CLTRN: variants seen among roughly 807,000 people sequenced by gnomAD.
The protein encoded by CLTRN is collectrin, amino acid transport regulator, also known as collectrin.
CLTRN carries 12 observed loss-of-function variants against 14.5 expected under a neutral mutation model. The observed-to-expected ratio is 0.83, with a 90% CI of 0.53 to 1.34. CLTRN has a LOEUF of 1.34. CLTRN is among the 40% of genes most tolerant of loss of function. The probability of loss-of-function intolerance (pLI) is 0.00; values close to 1 mark genes in which losing one functional copy is unlikely to be tolerated. For synonymous variants in CLTRN, 58 were observed against 56.5 expected (o/e 1.03, Z -0.12); for missense variants, 154 against 165.1 (o/e 0.93, Z 0.37).
intron 1 of CLTRN, among the ~76,000 whole-genome samples, chrX:15,670,879 A>AGTGTGTGT (rs543420208): frequency 1.2e-5 from 1 of 85,070 alleles, no homozygotes; most frequent in Non-Finnish European, 2.3e-5. Context: ...AAGGGAGACA[A>AGTGTGTGT]GTGTGTGTGT....
At chrX:15,661,663 TTA>T (rs1929510591) in intron 2 of CLTRN, among the ~76,000 whole-genome samples, 1 of 112,247 alleles carries the variant, frequency 8.9e-6, no homozygotes, top group Non-Finnish European at 1.9e-5. Context: ...TTTGTATACT[TTA>T]TGATCCATTA....
At position 15,627,858 on chromosome X, in the gene CLTRN, A is replaced by G; in HGVS notation, c.*113T>C. Reference sequence around the variant, plus strand: ...CTTTCAAGCACATTCAAAATTTATTACAAAAGAAGAATGGTGAAACAAAAT... The same window carrying G: ...CTTTCAAGCACATTCAAAATTTATTGCAAAAGAAGAATGGTGAAACAAAAT... On this transcript the variant is annotated 3_prime_UTR_variant, in exon 6 of 6. Transcript: ENST00000380342. 11 of 616,718 alleles carry G rather than the reference A, an allele frequency of 1.8e-5. No individual in the cohort carries two copies. Among genetic ancestry groups the G allele is most frequent in the Non-Finnish European group, 2.4e-5 (11 of 451,044 alleles). The allele number at this position is 616,718 out of a possible 1,213,427, so 50.8% of individuals were successfully genotyped here.
intron 3 of CLTRN, among the ~76,000 whole-genome samples, chrX:15,652,471 C>CAA (rs79756100): frequency 2.1e-4 from 12 of 57,830 alleles, no homozygotes; most frequent in African/African-American, 6.1e-4. Context: ...ACTTTACAGA[C>CAA]AAAAAAAAAA....
chrX:15,667,485 T>C (rs767928758), upstream of CLTRN, among the ~76,000 whole-genome samples: 10 of 112,326 alleles, frequency 8.9e-5, no homozygotes, highest in Admixed American at 3.8e-4. Flanking sequence ...ATAGAAATTC[T>C]TTTTAGAAAA....
Position 15,632,883 on chromosome X carries a change from C to CAA in CLTRN, c.513-4758_513-4757dup, listed in dbSNP as rs758319942. Among the ~76,000 whole-genome samples the CAA allele has an allele frequency of 8.0e-3, 348 of 43,301 alleles. 2 individuals are homozygous for CAA. The highest frequency in any genetic ancestry group is 0.029 in the East Asian group (39 of 1,343). The allele number at this position is 43,301 out of a possible 115,157, so 37.6% of individuals were successfully genotyped here. A position where few individuals can be genotyped will look rare whatever the true frequency, so the allele number is the denominator to read the frequency against. ...TGGGTGACAGAGCAAGACTCTGTCT[C>CAA]AAAAAAAAAAAAAAAAAAAAAAATA... is the stretch of plus-strand genomic sequence containing the variant. On this transcript the variant is annotated intron_variant, in intron 5 of 5. Transcript: ENST00000380342.
Position 15,627,956 on chromosome X carries a change from C to T in CLTRN, c.*15G>A. On this transcript the variant is annotated 3_prime_UTR_variant, in exon 6 of 6. Transcript: ENST00000380342. ...ACAAATGTTTAATTTCTTGAGGAAG[C>T]AGAACAACAGCCCTTCAGAGAGGGG... 1 of 1,004,503 alleles carries T rather than the reference C, an allele frequency of 1.0e-6. No individual in the cohort carries two copies. The highest frequency in any genetic ancestry group is 1.3e-6 in the Non-Finnish European group (1 of 782,401). The allele number at this position is 1,004,503 out of a possible 1,213,427, so 82.8% of individuals were successfully genotyped here.
chrX:15,652,725 T>C (rs921370907), intron 3 of CLTRN, among the ~76,000 whole-genome samples: 5 of 111,967 alleles, frequency 4.5e-5, no homozygotes, highest in African/African-American at 1.6e-4. Flanking sequence ...GAAGGCTGGT[T>C]TGATCATTTG....
chrX:15,637,490 C>T (rs906370299), intron 5 of CLTRN, among the ~76,000 whole-genome samples: 1 of 112,180 alleles, frequency 8.9e-6, no homozygotes, highest in Non-Finnish European at 1.9e-5. Flanking sequence ...TCCCGGTTTA[C>T]ACAAGAGATG....
At chrX:15,629,608 G>A (rs1460648354) in intron 5 of CLTRN, among the ~76,000 whole-genome samples, 1 of 110,245 alleles carries the variant, frequency 9.1e-6, no homozygotes, top group Non-Finnish European at 1.9e-5. Context: ...TTTTATAGAA[G>A]AATGCCAACG....
chrX:15,658,853 T>C (rs1929434467), intron 3 of CLTRN, among the ~76,000 whole-genome samples, 163 bp downstream of exon 3: 1 of 110,871 alleles, frequency 9.0e-6, no homozygotes, highest in Non-Finnish European at 1.9e-5. Context: ...ATATAAACTG[T>C]AAGATGAGTT....
At chrX:15,641,802 G>A (rs1928950990) in intron 4 of CLTRN, among the ~76,000 whole-genome samples, 2 of 111,265 alleles carry the variant, frequency 1.8e-5, no homozygotes. Context: ...CATTTCAGGT[G>A]CTTAATAACC....
chrX:15,673,720 G>A (rs945981686), intron 1 of CLTRN, among the ~76,000 whole-genome samples: 6 of 112,421 alleles, frequency 5.3e-5, no homozygotes, highest in Non-Finnish European at 1.1e-4. Flanking sequence ...GGAAGAGAAA[G>A]GAACTTTTAC....
chrX:15,633,810 A>G (rs1015754972), intron 5 of CLTRN, among the ~76,000 whole-genome samples: 2 of 112,446 alleles, frequency 1.8e-5, no homozygotes, highest in African/African-American at 6.5e-5. Flanking sequence ...CTAGGGTTCT[A>G]TGTCCTAAGT....
chrX:15,641,636 CTGTGTGTGTGTGTG>C (rs56407617), intron 4 of CLTRN, among the ~76,000 whole-genome samples: 13 of 88,473 alleles, frequency 1.5e-4, no homozygotes, highest in African/African-American at 2.6e-4. Context: ...CCACACCTGG[CTGTGTGTGTGTGTG>C]TGTGTGTGTG....
chrX:15,644,214 T>A (rs1458438486), intron 4 of CLTRN, among the ~76,000 whole-genome samples: 1 of 111,985 alleles, frequency 8.9e-6, no homozygotes, highest in African/African-American at 3.3e-5. Flanking sequence ...GAGAGCACCT[T>A]TCTAGGCAAT....
rs1485686377 is a variant in CLTRN, at chrX:15,627,792, T to C, written c.*179A>G. 6.5e-6 allele frequency: 2 copies of C among 306,296 alleles called. No homozygotes were observed. The highest frequency in any genetic ancestry group is 5.5e-5 in the African/African-American group (2 of 36,677). The allele number at this position is 306,296 out of a possible 1,213,427, so 25.2% of individuals were successfully genotyped here. A position where few individuals can be genotyped will look rare whatever the true frequency, so the allele number is the denominator to read the frequency against. On this transcript the variant is annotated 3_prime_UTR_variant, in exon 6 of 6. Transcript: ENST00000380342. The stretch of plus-strand genomic sequence containing the variant: ...AATATTTTGAGTCGTGAATAGCTTA[T>C]GATTTCAGTGGTGTTGGTGGGTATA...
At chrX:15,644,566 G>T (rs1929016045) in intron 4 of CLTRN, among the ~76,000 whole-genome samples, 1 of 111,469 alleles carries the variant, frequency 9.0e-6, no homozygotes, top group Non-Finnish European at 1.9e-5. Flanking sequence ...TCTTTTTAAA[G>T]TAAAGACTAT....
chrX:15,651,586 G>A (rs957526735), intron 3 of CLTRN, among the ~76,000 whole-genome samples: 4 of 111,657 alleles, frequency 3.6e-5, no homozygotes, highest in African/African-American at 1.3e-4. Flanking sequence ...AAGAGCACCT[G>A]TTTTAATTTG....
intron 5 of CLTRN, among the ~76,000 whole-genome samples, chrX:15,632,740 C>T (rs1383294018): frequency 2.5e-4 from 27 of 106,605 alleles, no homozygotes; most frequent in Non-Finnish European, 4.8e-4. Flanking sequence ...AAAAATTAGC[C>T]GGGTGTGGTG....
Sources: gnomAD v4.1 joint callset for allele counts (sites outside exome capture counted in the v4.1 genomes callset) on GRCh38, gnomAD v4.1.1 for gene constraint, MANE v1.5 for transcripts, NCBI Gene and HGNC (gene_info 2026-07-23, HGNC 2026-07-21) for gene names.